The following TNS1 variants were observed in gnomAD, a reference collection of about 807,000 sequenced individuals.
TNS1 encodes tensin 1, also known as tensin-1.
Under a neutral mutation model 168.6 loss-of-function variants are expected in TNS1, and 62 were observed. That is an observed-to-expected ratio of 0.37 (90% CI 0.30 to 0.45). The LOEUF is 0.45. Ranked by LOEUF, TNS1 falls within the 20% of genes least tolerant of loss-of-function variation. The pLI, the probability that TNS1 is intolerant of heterozygous loss-of-function variation, is 1.00. For missense variants in TNS1, 2,240 were observed against 2,339.4 expected, an observed-to-expected ratio of 0.96 and a Z score of 0.88; for synonymous variants, 934 against 933.2, an observed-to-expected ratio of 1.00 and a Z score of -0.02.
chr2:217,809,841 A>T lies in TNS1; in HGVS notation c.5255T>A (p.Leu1752Gln). The change falls in exon 30 of 33, where the codon CTG becomes CAG. Residue 1752 changes from leucine (L) to glutamine (Q), a missense_variant. This residue lies in a region of TNS1 where 109 missense variants were observed against 168.1 expected (regional missense o/e 0.65). Transcript: ENST00000682258. ...HFKVSAQGITLTDNQRKLFFR... is the reference protein window; with the variant it reads ...HFKVSAQGITQTDNQRKLFFR... The stretch of plus-strand genomic sequence containing the variant: ...GTCTTACTTTCTCTGGTTGTCAGTC[A>T]GAGTGATTCCCTGGGCAGAGACTTT... The T allele has an allele frequency of 6.2e-7, 1 of 1,613,870 alleles. No homozygotes were observed. Among genetic ancestry groups the T allele is most frequent in the Non-Finnish European group, 8.5e-7 (1 of 1,179,814 alleles).
At chr2:217,917,311 T>C (rs1175850923) in intron 4 of TNS1, among the ~76,000 whole-genome samples, 1 of 152,120 alleles carries the variant, frequency 6.6e-6, no homozygotes, top group Non-Finnish European at 1.5e-5. Context: ...AAGAAACATA[T>C]ATAGAGCACC....
chr2:218,026,427 G>C (rs754343886), intron 1 of TNS1, among the ~76,000 whole-genome samples: 29 of 152,184 alleles, frequency 1.9e-4, no homozygotes, highest in Non-Finnish European at 2.5e-4. Flanking sequence ...GATGGAACAC[G>C]AGAGTGACAG....
At chr2:217,850,838 G>T (rs552781464) in intron 18 of TNS1, among the ~76,000 whole-genome samples, 1 of 152,180 alleles carries the variant, frequency 6.6e-6, no homozygotes, top group South Asian at 2.1e-4. Context: ...GACAGCACCG[G>T]CATGAACATG....
At chr2:217,921,221 C>T (rs780840655) in intron 3 of TNS1, among the ~76,000 whole-genome samples, 2 of 152,176 alleles carry the variant, frequency 1.3e-5, no homozygotes, top group Non-Finnish European at 2.9e-5. Flanking sequence ...ACCTTGGCTC[C>T]GATTCCCAAC....
At chr2:218,000,232 T>C (rs1190761386) in intron 1 of TNS1, among the ~76,000 whole-genome samples, 1 of 152,228 alleles carries the variant, frequency 6.6e-6, no homozygotes, top group Non-Finnish European at 1.5e-5. Flanking sequence ...ACTACAGATA[T>C]ATTACTTCTT....
chr2:217,934,112 G>T (rs1034611308), intron 3 of TNS1, among the ~76,000 whole-genome samples: 10 of 152,160 alleles, frequency 6.6e-5, no homozygotes, highest in Non-Finnish European at 1.5e-4. Flanking sequence ...GTTGGCCAAG[G>T]TCACACAGCG....
rs776218917 is a variant in TNS1 at position 217,814,892 on chromosome 2, C to T, written c.4729+20G>A. On this transcript the variant is annotated intron_variant, in intron 25 of 32. Transcript: ENST00000682258. ...TCAGCCAGCTATGGCCTCTGATGCACCACAGAGCCCAGCACTCACCCTGCT... is the reference window on the plus strand; with the variant it reads ...TCAGCCAGCTATGGCCTCTGATGCATCACAGAGCCCAGCACTCACCCTGCT... The T allele has an allele frequency of 6.2e-7, 1 of 1,606,672 alleles. No individual in the cohort carries two copies. Among genetic ancestry groups the T allele is most frequent in the Admixed American group, 1.7e-5 (1 of 59,540 alleles).
intron 4 of TNS1, among the ~76,000 whole-genome samples, chr2:217,911,999 C>G (rs1309289657): frequency 6.6e-6 from 1 of 152,204 alleles, no homozygotes; most frequent in African/African-American, 2.4e-5. Context: ...GGGTCGGGAA[C>G]CACAGGGTGG....
intron 13 of TNS1, 97 bp downstream of exon 13, chr2:217,886,437 G>A: frequency 1.0e-6 from 1 of 975,976 alleles, no homozygotes; most frequent in Non-Finnish European, 1.6e-6. Flanking sequence ...GCAGCTCTCG[G>A]GCTGTCTGTT....
chr2:217,811,624 A>G (rs1049041144), intron 28 of TNS1, among the ~76,000 whole-genome samples: 7 of 152,182 alleles, frequency 4.6e-5, no homozygotes, highest in African/African-American at 1.7e-4. Flanking sequence ...ACTGCGGGTG[A>G]GGCCAGTGAC....
intron 24 of TNS1, among the ~76,000 whole-genome samples, chr2:217,817,335 C>A (rs1165171677): frequency 6.6e-6 from 1 of 152,134 alleles, no homozygotes; most frequent in Non-Finnish European, 1.5e-5. Context: ...TACTAAGTGG[C>A]CAAGAAGCTT....
At chr2:217,818,961 G>T (rs968840193) in intron 23 of TNS1, among the ~76,000 whole-genome samples, 1 of 152,178 alleles carries the variant, frequency 6.6e-6, no homozygotes, top group African/African-American at 2.4e-5. Context: ...TTAAGCAGTA[G>T]GCTTAGTACC....
At chr2:218,011,555 G>A, upstream of TNS1, among the ~76,000 whole-genome samples, 1 of 152,106 alleles carries the variant, frequency 6.6e-6, no homozygotes. Flanking sequence ...ACCATCTCAG[G>A]GCCATTTTTC....
At chr2:217,987,327 C>G (rs546368186) in intron 2 of TNS1, among the ~76,000 whole-genome samples, 3 of 152,284 alleles carry the variant, frequency 2.0e-5, no homozygotes, top group African/African-American at 7.2e-5. Flanking sequence ...CAGGAGTTCA[C>G]AGGTCCGGAG....
At chr2:217,937,230 G>T (rs1205742609) in intron 3 of TNS1, 2 of 357,734 alleles carry the variant, frequency 5.6e-6, no homozygotes, top group East Asian at 7.4e-5. Context: ...GGTCTTTCCA[G>T]CCTCATACCC....
intron 1 of TNS1, among the ~76,000 whole-genome samples, chr2:218,018,898 G>A (rs1396434631): frequency 6.6e-6 from 1 of 152,138 alleles, no homozygotes; most frequent in Admixed American, 6.6e-5. Flanking sequence ...CCCGCATGGT[G>A]AAACTCCATC....
At chr2:217,942,834 C>T (rs947869988) in intron 3 of TNS1, among the ~76,000 whole-genome samples, 4 of 152,142 alleles carry the variant, frequency 2.6e-5, no homozygotes, top group East Asian at 1.9e-4. Context: ...ATCCCCCAAC[C>T]CCATCCCCTC....
chr2:217,816,893 T>C (rs376014723), intron 24 of TNS1, among the ~76,000 whole-genome samples: 4 of 152,270 alleles, frequency 2.6e-5, no homozygotes, highest in African/African-American at 9.6e-5. Flanking sequence ...ATTCTAAATC[T>C]GCCTCAAACA....
intron 3 of TNS1, among the ~76,000 whole-genome samples, chr2:217,958,648 G>A (rs59189064): frequency 0.094 from 14,297 of 152,214 alleles, 1,165 homozygotes; most frequent in African/African-American, 0.22. Context: ...GAGGAGAAGC[G>A]ACCTTCTCAA....
Sources: gnomAD v4.1 joint callset for allele counts (sites outside exome capture counted in the v4.1 genomes callset) on GRCh38, gnomAD v4.1.1 for gene constraint, gnomAD v4.1.1 regional missense constraint, MANE v1.5 for transcripts, NCBI Gene and HGNC (gene_info 2026-07-23, HGNC 2026-07-21) for gene names.